Variants in MGAT4C observed in about 807,000 individuals in gnomAD.
The protein encoded by MGAT4C is alpha-1,3-mannosyl-glycoprotein 4-beta-N-acetylglucosaminyltransferase C.
In MGAT4C, 19 loss-of-function variants were observed where a neutral mutation model predicts 40.1. The ratio of observed to expected loss-of-function variants is 0.47; its 90% CI spans 0.33 to 0.70. The LOEUF is 0.70. Among genes scored for constraint, MGAT4C ranks in the 30% least tolerant of loss-of-function variants. MGAT4C has a pLI of 0.02. For missense variants in MGAT4C, 491 were observed against 563.2 expected (o/e 0.87, Z 1.30); for synonymous variants, 181 against 187.1 (o/e 0.97, Z 0.27).
At chr12:86,364,742 G>GC (rs56391752) in intron 3 of MGAT4C, among the ~76,000 whole-genome samples, 39,464 of 151,808 alleles carry the variant, frequency 0.26, 6,376 homozygotes, top group South Asian at 0.4. Flanking sequence ...GTTCTGTGAT[G>GC]CCCCCTGAGC....
chr12:86,387,630 G>A (rs549720535), intron 3 of MGAT4C, among the ~76,000 whole-genome samples: 13 of 151,978 alleles, frequency 8.6e-5, no homozygotes, highest in South Asian at 6.2e-4. Flanking sequence ...GTTGTCAATC[G>A]GTTATTTTAT....
chr12:86,372,927 A>G (rs1049201263), intron 3 of MGAT4C, among the ~76,000 whole-genome samples: 10 of 151,354 alleles, frequency 6.6e-5, no homozygotes, highest in Non-Finnish European at 1.3e-4. Flanking sequence ...AACCACCTCA[A>G]ATTCCATTTT....
rs546413873 is a variant in MGAT4C, at chr12:86,810,273, A to G, written c.-262+28393T>C. 4.3e-3 allele frequency among the ~76,000 whole-genome samples: 660 copies of G among 152,024 alleles called. 6 individuals carry two copies. Among genetic ancestry groups the G allele is most frequent in the African/African-American group, 0.015 (614 of 41,552 alleles). ...ATTTCTTATGTTATAAGAAATAATCATGTAGTCTACAAATGGTGAGTTTTG... is the reference window on the plus strand; with the variant it reads ...ATTTCTTATGTTATAAGAAATAATCGTGTAGTCTACAAATGGTGAGTTTTG... On this transcript the variant is annotated intron_variant, in intron 1 of 7. Transcript: ENST00000548651.
At chr12:86,798,439 T>G (rs1952169680) in intron 1 of MGAT4C, among the ~76,000 whole-genome samples, 1 of 151,920 alleles carries the variant, frequency 6.6e-6, no homozygotes, top group Admixed American at 6.6e-5. Context: ...GTCCCCGCCC[T>G]GCACATGCAC....
rs574374036 is a variant in MGAT4C at position 86,779,500 on chromosome 12, G to A, written c.-261-52259C>T. ...GCCTGTAGTCCCAGATACTGGGGAA[G>A]TGGAGGTGAGAGGGTTGCCTGAGCC... On this transcript the variant is annotated intron_variant, in intron 1 of 7. Transcript: ENST00000548651. 2.6e-5 allele frequency among the ~76,000 whole-genome samples: 4 copies of A among 152,120 alleles called. No homozygotes were observed. In the East Asian group the frequency reaches 7.7e-4, roughly 29 times the overall value.
Position 86,155,998 on chromosome 12 carries a change from T to C in MGAT4C, c.-57+100241A>G, listed in dbSNP as rs116437033. Among the ~76,000 whole-genome samples the C allele has an allele frequency of 6.3e-3, 962 of 152,316 alleles. 6 individuals carry two copies. Among genetic ancestry groups the C allele is most frequent in the African/African-American group, 0.022 (920 of 41,568 alleles). Reference sequence around the variant, plus strand: ...AAAAAAGTTACAGCATATTGCCCTGTAAAATATTAACCAGTTTTGTCTCCA... The same window carrying C: ...AAAAAAGTTACAGCATATTGCCCTGCAAAATATTAACCAGTTTTGTCTCCA... On this transcript the variant is annotated intron_variant, in intron 1 of 4. Transcript: ENST00000611864.
chr12:86,544,308 G>C (rs1260605351), intron 2 of MGAT4C, among the ~76,000 whole-genome samples: 1 of 151,498 alleles, frequency 6.6e-6, no homozygotes, highest in East Asian at 1.9e-4. Context: ...ATTATTTTTT[G>C]GAAAACATAT....
At chr12:86,631,104 C>G (rs148280049) in intron 2 of MGAT4C, among the ~76,000 whole-genome samples, 2 of 152,092 alleles carry the variant, frequency 1.3e-5, no homozygotes, top group African/African-American at 4.8e-5. Context: ...TTCTTATACA[C>G]CAACAACAGA....
chr12:85,996,173 A>T (rs189189610), intron 2 of MGAT4C, among the ~76,000 whole-genome samples: 293 of 152,324 alleles, frequency 1.9e-3, no homozygotes, highest in African/African-American at 6.8e-3. Flanking sequence ...ATCAAGACAT[A>T]ACTGAGATGA....
intron 3 of MGAT4C, among the ~76,000 whole-genome samples, chr12:86,392,300 C>T (rs959171402): frequency 3.3e-5 from 5 of 152,014 alleles, no homozygotes; most frequent in Non-Finnish European, 4.4e-5. Flanking sequence ...GGTTAAACTC[C>T]ATCTCTACTA....
At chr12:86,616,149 T>C (rs1438853927) in intron 2 of MGAT4C, among the ~76,000 whole-genome samples, 2 of 152,116 alleles carry the variant, frequency 1.3e-5, no homozygotes, top group African/African-American at 2.4e-5. Flanking sequence ...AGTAATGATC[T>C]GATATCATTT....
chr12:86,519,605 G>C (rs1228134579), intron 2 of MGAT4C, among the ~76,000 whole-genome samples: 3 of 151,892 alleles, frequency 2.0e-5, no homozygotes, highest in Non-Finnish European at 4.4e-5. Context: ...TTTTAACTGG[G>C]GTGTAATGAT....
intron 2 of MGAT4C, among the ~76,000 whole-genome samples, chr12:86,715,145 A>G (rs1228549441): frequency 1.3e-5 from 2 of 152,154 alleles, no homozygotes; most frequent in Non-Finnish European, 2.9e-5. Flanking sequence ...AAACTAATTT[A>G]TTCAGGCATG....
At chr12:86,820,018 T>C (rs1566013491) in intron 1 of MGAT4C, among the ~76,000 whole-genome samples, 1 of 150,836 alleles carries the variant, frequency 6.6e-6, no homozygotes, top group Non-Finnish European at 1.5e-5. Context: ...TTGCTATAGA[T>C]AATTCTGAGG....
intron 2 of MGAT4C, among the ~76,000 whole-genome samples, chr12:86,706,136 T>C (rs1400243327): frequency 1.3e-5 from 2 of 152,088 alleles, no homozygotes; most frequent in Non-Finnish European, 1.5e-5. Flanking sequence ...AAAACAAATA[T>C]GTGCTTGCTG....
chr12:86,331,346 T>C (rs368406682), intron 4 of MGAT4C, among the ~76,000 whole-genome samples: 4 of 152,126 alleles, frequency 2.6e-5, no homozygotes, highest in Non-Finnish European at 2.9e-5. Flanking sequence ...ACTGAAGTTA[T>C]ACGCATGTAC....
chr12:86,625,036 T>G (rs1278756413), intron 2 of MGAT4C, among the ~76,000 whole-genome samples: 2 of 152,114 alleles, frequency 1.3e-5, no homozygotes, highest in Middle Eastern at 3.4e-3. Flanking sequence ...CTCGTGATAG[T>G]GAGTGAGTTC....
chr12:86,304,715 T>C (rs1953893106), intron 4 of MGAT4C, among the ~76,000 whole-genome samples: 1 of 150,794 alleles, frequency 6.6e-6, no homozygotes, highest in South Asian at 2.1e-4. Context: ...GATGAGGTCA[T>C]TAGGGTGAAC....
intron 2 of MGAT4C, among the ~76,000 whole-genome samples, chr12:86,507,582 T>A (rs1958492679): frequency 6.6e-6 from 1 of 152,198 alleles, no homozygotes; most frequent in Non-Finnish European, 1.5e-5. Context: ...ACACAGGAAG[T>A]AAAATGCATT....
Sources: allele counts gnomAD v4.1 joint callset (sites outside exome capture counted in the v4.1 genomes callset), GRCh38; gene constraint gnomAD v4.1.1; transcripts MANE v1.5; gene names NCBI Gene and HGNC (gene_info 2026-07-23, HGNC 2026-07-21).